Variants in FGF12 observed in about 807,000 individuals in gnomAD.
FGF12 encodes fibroblast growth factor 12.
Under a neutral mutation model 23.6 loss-of-function variants are expected in FGF12, and 14 were observed. The ratio of observed to expected loss-of-function variants is 0.59; its 90% CI spans 0.39 to 0.93. The LOEUF (loss-of-function observed/expected upper bound fraction) is 0.93. FGF12 is among the 40% of genes least tolerant of loss of function. The pLI, the probability that FGF12 is intolerant of heterozygous loss-of-function variation, is 0.00. For missense variants in FGF12, 175 were observed against 217.8 expected (o/e 0.80, Z 1.24); for synonymous variants, 62 against 77.3 (o/e 0.80, Z 1.04).
At chr3:192,598,947 T>C (rs2108629244) in intron 2 of FGF12, among the ~76,000 whole-genome samples, 1 of 151,952 alleles carries the variant, frequency 6.6e-6, no homozygotes, top group East Asian at 1.9e-4. Context: ...AAAGGATGAG[T>C]TTATATCCTT....
At chr3:192,619,674 T>C (rs1714898540) in intron 2 of FGF12, among the ~76,000 whole-genome samples, 1 of 152,188 alleles carries the variant, frequency 6.6e-6, no homozygotes, top group South Asian at 2.1e-4. Flanking sequence ...TGGGAAGTTC[T>C]TTGATTTTGC....
intron 2 of FGF12, among the ~76,000 whole-genome samples, chr3:192,421,128 C>T (rs1200914727): frequency 2.0e-5 from 3 of 152,090 alleles, no homozygotes; most frequent in Admixed American, 1.3e-4. Flanking sequence ...GTTTAACTGA[C>T]TCCATGCACA....
chr3:192,319,907 A>C (rs1448479205), intron 4 of FGF12, among the ~76,000 whole-genome samples: 2 of 152,168 alleles, frequency 1.3e-5, no homozygotes, highest in African/African-American at 2.4e-5. Flanking sequence ...ACCTCCACTA[A>C]AAGAAAGATA....
chr3:192,457,521 A>T (rs1722717619), intron 2 of FGF12, among the ~76,000 whole-genome samples: 1 of 152,200 alleles, frequency 6.6e-6, no homozygotes, highest in South Asian at 2.1e-4. Context: ...TAGCAAAGAG[A>T]CTGGTGGCAT....
chr3:192,337,117 C>G (rs967357787), intron 3 of FGF12, among the ~76,000 whole-genome samples: 9 of 152,022 alleles, frequency 5.9e-5, no homozygotes, highest in African/African-American at 2.2e-4. Context: ...TAGACAAAGT[C>G]TAGTTGGGGA....
intron 2 of FGF12, among the ~76,000 whole-genome samples, chr3:192,581,898 G>A (rs931561295): frequency 1.3e-5 from 2 of 151,848 alleles, no homozygotes; most frequent in Admixed American, 1.3e-4. Flanking sequence ...ATATAAAAAT[G>A]CTTAAAACAA....
intron 2 of FGF12, among the ~76,000 whole-genome samples, chr3:192,378,054 C>CTTTCTTTCTT (rs1719625775): frequency 9.3e-6 from 1 of 107,906 alleles, no homozygotes; most frequent in Non-Finnish European, 1.7e-5. Context: ...TTCTTTCTTT[C>CTTTCTTTCTT]TTTCTTTCTT....
At chr3:192,363,850 C>G (rs1718853168) in intron 2 of FGF12, among the ~76,000 whole-genome samples, 1 of 152,180 alleles carries the variant, frequency 6.6e-6, no homozygotes, top group Non-Finnish European at 1.5e-5. Flanking sequence ...AACTAACACA[C>G]GTTTATTTAT....
chr3:192,507,027 G>C (rs1387430223), intron 2 of FGF12, among the ~76,000 whole-genome samples: 1 of 151,948 alleles, frequency 6.6e-6, no homozygotes. Flanking sequence ...AAGTAGCTGG[G>C]ACTACAGGCG....
rs538311532 is a variant in FGF12, at chr3:192,313,222, T to A, written c.228+22139A>T. On this transcript the variant is annotated intron_variant, in intron 4 of 5. Coordinates refer to ENST00000445105, the MANE Select transcript of FGF12 (RefSeq NM_004113.6). Reference sequence around the variant, plus strand: ...AATATGGGAGATGGAAGGTTTTTCATTTTACTTCCAATGCCTAAGACAATG... The same window carrying A: ...AATATGGGAGATGGAAGGTTTTTCAATTTACTTCCAATGCCTAAGACAATG... Among the ~76,000 whole-genome samples the A allele has an allele frequency of 1.8e-4, 27 of 152,296 alleles. No homozygotes were observed. The South Asian group carries it at 5.4e-3, about 30-fold the overall frequency.
chr3:192,408,627 C>A lies in FGF12; in HGVS notation c.14-48089G>T. 1 of 1,047,796 alleles carries A rather than the reference C, an allele frequency of 9.5e-7. No individual in the cohort carries two copies. The highest frequency in any genetic ancestry group is 1.2e-6 in the Non-Finnish European group (1 of 868,952). The allele number at this position is 1,047,796 out of a possible 1,614,324, so 64.9% of individuals were successfully genotyped here. ...ACGATGCCCAAAATAACAAGACGTG[C>A]CTCTGTTGGAGAGGCGCAAGCGTTG... is the stretch of plus-strand genomic sequence containing the variant. On this transcript the variant is annotated intron_variant, in intron 2 of 5. Transcript: ENST00000445105. The surrounding 1 kb of genome is among the most constrained non-coding windows in gnomAD (Gnocchi z 7.3).
chr3:192,296,218 A>C (rs1163141150), intron 4 of FGF12, among the ~76,000 whole-genome samples: 1 of 136,710 alleles, frequency 7.3e-6, no homozygotes, highest in Non-Finnish European at 1.6e-5. Flanking sequence ...CAATGTTTTC[A>C]TTTTATTTTA....
intron 2 of FGF12, among the ~76,000 whole-genome samples, chr3:192,551,590 G>A (rs1711533124): frequency 6.6e-6 from 1 of 152,224 alleles, no homozygotes; most frequent in African/African-American, 2.4e-5. Context: ...CGGTCGAGAT[G>A]CTGGAATGAC....
chr3:192,215,408 T>A (rs563584279), intron 4 of FGF12, among the ~76,000 whole-genome samples: 1 of 152,238 alleles, frequency 6.6e-6, no homozygotes, highest in Non-Finnish European at 1.5e-5. Context: ...ACCTTAGCAC[T>A]ATAATTGATG....
intron 4 of FGF12, among the ~76,000 whole-genome samples, chr3:192,312,317 G>T (rs78358227): frequency 0.038 from 5,698 of 151,346 alleles, 345 homozygotes; most frequent in African/African-American, 0.13. Context: ...AGGTTTTAGG[G>T]CTCTAATCCA....
At chr3:192,260,294 C>T (rs1712668039) in intron 4 of FGF12, among the ~76,000 whole-genome samples, 1 of 152,070 alleles carries the variant, frequency 6.6e-6, no homozygotes, top group African/African-American at 2.4e-5. Context: ...TCTGGCTTTC[C>T]CAATTAGGTT....
intron 2 of FGF12, among the ~76,000 whole-genome samples, chr3:192,640,329 A>G (rs1715744423): frequency 6.6e-6 from 1 of 152,212 alleles, no homozygotes; most frequent in African/African-American, 2.4e-5. Context: ...TATATCAAAT[A>G]TGGACAATAA....
chr3:192,448,477 G>A (rs1722427184), intron 2 of FGF12, among the ~76,000 whole-genome samples: 1 of 152,098 alleles, frequency 6.6e-6, no homozygotes, highest in Non-Finnish European at 1.5e-5. Context: ...TGGGAGGGAG[G>A]GGTAACAATA....
intron 2 of FGF12, among the ~76,000 whole-genome samples, chr3:192,481,006 T>C (rs1723464908): frequency 1.3e-5 from 2 of 152,086 alleles, no homozygotes; most frequent in African/African-American, 4.8e-5. Context: ...GGGAAAGGAG[T>C]AGCAGTGGTT....
Sources: gnomAD v4.1 joint callset for allele counts (sites outside exome capture counted in the v4.1 genomes callset) on GRCh38, gnomAD v4.1.1 for gene constraint, Gnocchi (gnomAD v3.1) non-coding constraint, MANE v1.5 for transcripts, NCBI Gene and HGNC (gene_info 2026-07-23, HGNC 2026-07-21) for gene names.